Variants in TENM3 observed in about 807,000 individuals in gnomAD.
The protein encoded by TENM3 is teneurin transmembrane protein 3, also known as teneurin-3.
TENM3 carries 63 observed loss-of-function variants against 255.1 expected under a neutral mutation model. That is an observed-to-expected ratio of 0.25 (90% CI 0.20 to 0.30). The LOEUF is 0.30. Among genes scored for constraint, TENM3 ranks in the 10% least tolerant of loss-of-function variants. The probability of loss-of-function intolerance (pLI) is 1.00; values close to 1 mark genes in which losing one functional copy is unlikely to be tolerated. For missense variants in TENM3, 2,929 were observed against 3,461.1 expected (o/e 0.85, Z 3.86); for synonymous variants, 1,306 against 1,322.3 (o/e 0.99, Z 0.27).
the TENM3 span, among the ~76,000 whole-genome samples, chr4:182,036,216 G>A: frequency 1.3e-5 from 2 of 151,874 alleles, no homozygotes; most frequent in African/African-American, 4.8e-5. Context: ...TTTCAAGATG[G>A]AGTCTTGCTC....
chr4:182,342,535 T>C (rs1014369878), intron 2 of TENM3, among the ~76,000 whole-genome samples: 1 of 152,140 alleles, frequency 6.6e-6, no homozygotes, highest in Non-Finnish European at 1.5e-5. Context: ...GATAAAAATG[T>C]TCTAAAATTA....
chr4:181,790,740 G>C, the TENM3 span, among the ~76,000 whole-genome samples: 1 of 152,180 alleles, frequency 6.6e-6, no homozygotes. Context: ...TCAGTACCAA[G>C]AAATGGCTCT....
chr4:181,588,162 C>T, the TENM3 span, among the ~76,000 whole-genome samples: 3 of 152,142 alleles, frequency 2.0e-5, no homozygotes, highest in Non-Finnish European at 4.4e-5. Context: ...AACAGGGGAG[C>T]GGCCTCTGCT....
chr4:181,798,489 T>C, the TENM3 span, among the ~76,000 whole-genome samples: 1 of 152,014 alleles, frequency 6.6e-6, no homozygotes, highest in African/African-American at 2.4e-5. Flanking sequence ...CTAGTACATC[T>C]GGGATAGCAT....
At chr4:182,710,586 C>A (rs1758679053) in intron 12 of TENM3, among the ~76,000 whole-genome samples, 2 of 152,124 alleles carry the variant, frequency 1.3e-5, no homozygotes, top group South Asian at 4.1e-4. Context: ...GTATCAAAAC[C>A]ATGTACTGTT....
chr4:181,941,736 G>T, the TENM3 span, among the ~76,000 whole-genome samples: 1 of 152,062 alleles, frequency 6.6e-6, no homozygotes, highest in Non-Finnish European at 1.5e-5. Context: ...TGGGGTTCCC[G>T]AGGGTGAGGA....
chr4:182,156,158 G>A (rs966833307), intron 1 of TENM3, among the ~76,000 whole-genome samples: 9 of 151,684 alleles, frequency 5.9e-5, no homozygotes, highest in African/African-American at 1.5e-4. Context: ...ATTAGTTTTC[G>A]AGTCATTATG....
chr4:182,427,016 T>C (rs1771271862), intron 3 of TENM3, among the ~76,000 whole-genome samples: 1 of 152,208 alleles, frequency 6.6e-6, no homozygotes, highest in Admixed American at 6.5e-5. Context: ...TCAAAATCTT[T>C]TTGTGTTAAT....
chr4:181,932,360 GAAC>G, the TENM3 span, among the ~76,000 whole-genome samples: 1 of 152,080 alleles, frequency 6.6e-6, no homozygotes, highest in Non-Finnish European at 1.5e-5. Flanking sequence ...CAAAGAATAT[GAAC>G]AACACTTCTC....
the TENM3 span, among the ~76,000 whole-genome samples, chr4:181,898,772 C>A: frequency 6.6e-6 from 1 of 152,044 alleles, no homozygotes; most frequent in South Asian, 2.1e-4. Flanking sequence ...TCCAAGGGCC[C>A]AAACTTTCTG....
chr4:181,692,160 A>C, the TENM3 span, among the ~76,000 whole-genome samples: 2 of 152,240 alleles, frequency 1.3e-5, no homozygotes, highest in African/African-American at 4.8e-5. Flanking sequence ...TGGAACCATT[A>C]TGTGCAAATT....
intron 5 of TENM3, among the ~76,000 whole-genome samples, chr4:182,651,974 AT>A (rs1394764392): frequency 2.0e-5 from 3 of 152,346 alleles, no homozygotes; most frequent in African/African-American, 7.2e-5. Flanking sequence ...TTCAGACAGC[AT>A]TATAGTAAAG....
chr4:181,564,349 T>G, the TENM3 span, among the ~76,000 whole-genome samples: 1 of 152,202 alleles, frequency 6.6e-6, no homozygotes, highest in East Asian at 1.9e-4. Flanking sequence ...AAGCGGGCAC[T>G]GTTTTTTGCC....
chr4:182,036,654 A>G, the TENM3 span, among the ~76,000 whole-genome samples: 2 of 152,204 alleles, frequency 1.3e-5, no homozygotes, highest in Admixed American at 6.5e-5. Context: ...TCGATCATCT[A>G]GTGTTATCTC....
At chr4:181,616,323 A>C in the TENM3 span, among the ~76,000 whole-genome samples, 15 of 121,416 alleles carry the variant, frequency 1.2e-4, no homozygotes, top group East Asian at 3.6e-3. Context: ...ATACACACAC[A>C]CACACACACA....
At chr4:182,481,310 A>G (rs1255766521) in intron 3 of TENM3, among the ~76,000 whole-genome samples, 1 of 152,184 alleles carries the variant, frequency 6.6e-6, no homozygotes, top group Non-Finnish European at 1.5e-5. Flanking sequence ...ACTTTGTGAC[A>G]ATAAAGAAGA....
At chr4:182,591,101 CAA>C (rs950799723) in intron 3 of TENM3, among the ~76,000 whole-genome samples, 2 of 152,082 alleles carry the variant, frequency 1.3e-5, no homozygotes, top group Admixed American at 6.6e-5. Flanking sequence ...AGTAAACACT[CAA>C]GAGATGCTAA....
At chr4:181,577,208 T>A in the TENM3 span, among the ~76,000 whole-genome samples, 81 of 127,844 alleles carry the variant, frequency 6.3e-4, no homozygotes, top group South Asian at 1.2e-3. Context: ...TATATATATA[T>A]ATTTTTTTTT....
At chr4:182,363,405 A>G (rs929802494) in intron 3 of TENM3, among the ~76,000 whole-genome samples, 19 of 151,798 alleles carry the variant, frequency 1.3e-4, no homozygotes, top group African/African-American at 4.6e-4. Flanking sequence ...ATATGTATAT[A>G]TTCATATATG....
Sources: allele counts gnomAD v4.1 joint callset (sites outside exome capture counted in the v4.1 genomes callset), GRCh38; gene constraint gnomAD v4.1.1; transcripts MANE v1.5; gene names NCBI Gene and HGNC (gene_info 2026-07-23, HGNC 2026-07-21).